CASTOR1: variants seen among roughly 807,000 people sequenced by gnomAD.
CASTOR1 encodes the protein GATS protein like 3.
Under a neutral mutation model 33.7 loss-of-function variants are expected in CASTOR1, and 18 were observed. The observed-to-expected ratio is 0.53, with a 90% CI of 0.37 to 0.79. The LOEUF is 0.79. Among genes scored for constraint, CASTOR1 ranks in the 30% least tolerant of loss-of-function variants. CASTOR1 has a pLI of 0.00. For synonymous variants in CASTOR1, 175 were observed against 190.6 expected, an observed-to-expected ratio of 0.92 and a Z score of 0.67; for missense variants, 362 against 446.3, an observed-to-expected ratio of 0.81 and a Z score of 1.70.
Position 30,288,590 on chromosome 22 carries a change from C to T in CASTOR1, c.184+116G>A, listed in dbSNP as rs993749971. ...GGTGGAGTAGGATTCGAACCCCGAC[C>T]CATCTGCTTTTAAGGCTTAAGCTCT... On this transcript the variant is annotated intron_variant, in intron 2 of 8. Transcript: ENST00000407689. The T allele has an allele frequency of 2.8e-5, 23 of 820,940 alleles. No homozygotes were observed. The African/African-American group carries it at 4.1e-4, about 15-fold the overall frequency. The allele number at this position is 820,940 out of a possible 1,614,324, so 50.9% of individuals were successfully genotyped here.
chr22:30,288,890 G>T, intron 1 of CASTOR1, 114 bp from the exon 2 acceptor site: 1 of 750,054 alleles, frequency 1.3e-6, no homozygotes, highest in Non-Finnish European at 2.1e-6. Flanking sequence ...GCGCCTTCTT[G>T]CCCTCTCGGC....
chr22:30,286,613 G>T, intron 5 of CASTOR1: 1 of 712,408 alleles, frequency 1.4e-6, no homozygotes, highest in Non-Finnish European at 2.4e-6. Flanking sequence ...GCCAGACCAG[G>T]GCATGGCTCA....
At position 30,285,666 on chromosome 22, in the gene CASTOR1, C is replaced by T. The variant is rs1294233274; in HGVS notation, c.944G>A (p.Ser315Asn). 6.4e-7 allele frequency: 1 copy of T among 1,571,688 alleles called. No homozygotes were observed. Among genetic ancestry groups the T allele is most frequent in the Non-Finnish European group, 8.6e-7 (1 of 1,159,194 alleles). Residue 315 changes from serine (S) to asparagine (N), a missense_variant, in exon 9 of 9, where the codon AGC (serine) becomes AAC (asparagine). Ser to Asn is a conservative substitution (Grantham distance 46). Transcript: ENST00000407689. ...CCGCCGCTGGAGGACCTCGATGACG[C>T]TGCCGATACCGTCCTCGGGCACCTG... The part of the protein sequence containing the change: ...HALVPEDGIG[S>N]VIEVLQRRQE...
chr22:30,286,905 G>T lies in CASTOR1; in HGVS notation c.549C>A (p.Arg183=). The T allele has an allele frequency of 6.2e-7, 1 of 1,614,048 alleles. No homozygotes were observed. Among genetic ancestry groups the T allele is most frequent in the Non-Finnish European group, 8.5e-7 (1 of 1,179,900 alleles). ...CAGGGTCCAGTGTGAGGACACAGAA[G>T]CGGTTCTGTGGGCTCTGGATGGGAT... ...TVHPIQSPQN[R]FCVLTLDPET... The change falls in exon 5 of 9, where the codon CGC becomes CGA. Residue 183 remains arginine, a synonymous_variant. Transcript: ENST00000407689.
rs1344275081 is a variant in CASTOR1 at position 30,287,421 on chromosome 22, G to A, written c.324C>T (p.His108=). The change falls in exon 3 of 9, where the codon CAC becomes CAT. Residue 108 remains histidine (H), a synonymous_variant. Coordinates refer to ENST00000407689, the MANE Select transcript of CASTOR1 (RefSeq NM_001037666.3). ...ARSVIAPLAE[H]HVSVLMLSTY... ...TGGACAGCATCAGCACAGACACGTG[G>A]TGCTCGGCCAGTGGCGCGATGACCG... 6.2e-7 allele frequency: 1 copy of A among 1,613,354 alleles called. No homozygotes were observed. Among genetic ancestry groups the A allele is most frequent in the African/African-American group, 1.3e-5 (1 of 74,922 alleles).
rs530300675 is a variant in CASTOR1, at chr22:30,289,225, G to A, written c.113+160C>T. The stretch of plus-strand genomic sequence containing the variant: ...GGCCTCACGGGGCCGGATAGGCGGC[G>A]GTCCCCCAGGCCGGATGGCGGCCGG... On this transcript the variant is annotated intron_variant, in intron 1 of 8. Transcript: ENST00000407689. 5 of 613,950 alleles carry A rather than the reference G, an allele frequency of 8.1e-6. No homozygotes were observed. The East Asian group carries it at 1.2e-4, about 15-fold the overall frequency. 38.0% of individuals were successfully genotyped at this position (613,950 alleles called of 1,614,324 possible). A position where few individuals can be genotyped will look rare whatever the true frequency, so the allele number is the denominator to read the frequency against.
At position 30,285,417 on chromosome 22, in the gene CASTOR1, A is replaced by C; in HGVS notation, c.*203T>G. On this transcript the variant is annotated 3_prime_UTR_variant, in exon 9 of 9. Coordinates refer to ENST00000407689, the MANE Select transcript of CASTOR1 (RefSeq NM_001037666.3). ...GCATGGGCAGACACGCAGTCAGGCTAGCACCTGCCCACTCCACCTGTGAGT... is the reference window on the plus strand; with the variant it reads ...GCATGGGCAGACACGCAGTCAGGCTCGCACCTGCCCACTCCACCTGTGAGT... The C allele has an allele frequency of 1.9e-6, 1 of 533,338 alleles. No homozygotes were observed. The highest frequency in any genetic ancestry group is 3.3e-6 in the Non-Finnish European group (1 of 302,760). The allele number at this position is 533,338 out of a possible 1,614,324, so 33.0% of individuals were successfully genotyped here.
Position 30,289,503 on chromosome 22 carries a change from C to G in CASTOR1, c.-6G>C, listed in dbSNP as rs1289152578. On this transcript the variant is annotated 5_prime_UTR_variant, in exon 1 of 9. Transcript: ENST00000407689. ...TCTAGGATGTGCAGCTCCATCGCGG[C>G]TCGCGCGGACCCGACCCCGCCGCCA... 1.3e-6 allele frequency: 2 copies of G among 1,553,326 alleles called. No homozygotes were observed. The highest frequency in any genetic ancestry group is 1.2e-5 in the South Asian group (1 of 85,662).
Position 30,289,253 on chromosome 22 carries a change from G to C in CASTOR1, c.113+132C>G. ...CCCCCAGGCCGGATGGCGGCCGGAC[G>C]GGGAGAGTCCTCCCCACCCGCTCCC... On this transcript the variant is annotated intron_variant, in intron 1 of 8. Transcript: ENST00000407689. The C allele has an allele frequency of 2.8e-6, 2 of 704,336 alleles. 1 individual carries two copies. The highest frequency in any genetic ancestry group is 3.3e-5 in the South Asian group (2 of 60,154). The allele number at this position is 704,336 out of a possible 1,614,324, so 43.6% of individuals were successfully genotyped here.
In CASTOR1 at chr22:30,286,338, C is replaced by G. The variant is rs1601662024; in HGVS notation, c.668G>C (p.Ser223Thr). ...GGAGAAGGCAAAGAACGTGATGGAG[C>G]TGGGTTCAGGACTGCTAGAGGCTGC... ...KEAASSSPEP[S>T]SITFFAFSLI... The change falls in exon 6 of 9, where the codon AGC (serine) becomes ACC (threonine). Residue 223 changes from serine to threonine, a missense_variant. By Grantham distance (58) the Ser-to-Thr change is moderately conservative. Transcript: ENST00000407689. The G allele has an allele frequency of 6.2e-7, 1 of 1,614,130 alleles. No individual in the cohort carries two copies. The highest frequency in any genetic ancestry group is 8.5e-7 in the Non-Finnish European group (1 of 1,179,994).
intron 2 of CASTOR1, 62 bp from the exon 3 acceptor site, chr22:30,287,622 CT>C: frequency 6.8e-7 from 1 of 1,462,128 alleles, no homozygotes; most frequent in Non-Finnish European, 9.2e-7. Flanking sequence ...CTCTCTGAGC[CT>C]CAGTTTCCCT....
intron 8 of CASTOR1, 46 bp from the exon 9 acceptor site, chr22:30,285,734 C>T (rs756140777): frequency 1.3e-6 from 2 of 1,535,682 alleles, no homozygotes; most frequent in South Asian, 2.4e-5. Context: ...GGAAGCTGGC[C>T]AGGGCCACCC....
In CASTOR1 at chr22:30,287,548, G is replaced by T; in HGVS notation, c.197C>A (p.Ser66Tyr). Residue 66 changes from serine (S) to tyrosine (Y), a missense_variant, in exon 3 of 9, where the codon TCT (serine) becomes TAT (tyrosine). Ser to Tyr is a moderately radical substitution (Grantham distance 144). Coordinates refer to ENST00000407689, the MANE Select transcript of CASTOR1 (RefSeq NM_001037666.3). ...DEEGFKELPP[S>Y]EFLQVAEATW... ...GGCCTCAGCTACTTGCAGGAACTCA[G>T]ATGGGGGCAGCTCTGTGGGCAGGGG... The T allele has an allele frequency of 6.2e-7, 1 of 1,612,108 alleles. No homozygotes were observed.
rs200867191 is a variant in CASTOR1, at chr22:30,287,287, C to T, written c.373G>A (p.Val125Met). Reference protein sequence around the residue: ...LSTYQTDFILVREQDLSVVIH... With the variant: ...LSTYQTDFILMREQDLSVVIH... Reference sequence around the variant, plus strand: ...ACCACGGACAGGTCCTGCTCCCGCACCTGGGCCACAGCAGATGGCACATCA... The same window carrying T: ...ACCACGGACAGGTCCTGCTCCCGCATCTGGGCCACAGCAGATGGCACATCA... Residue 125 changes from valine (V) to methionine (M), a missense_variant and splice_region_variant, in exon 4 of 9, where the codon GTG (valine) becomes ATG (methionine). By Grantham distance (21) the Val-to-Met change is conservative. Transcript: ENST00000407689. 6.4e-7 allele frequency: 1 copy of T among 1,572,776 alleles called. No individual in the cohort carries two copies. The highest frequency in any genetic ancestry group is 1.2e-5 in the South Asian group (1 of 84,452).
intron 1 of CASTOR1, 113 bp downstream of exon 1, chr22:30,289,272 C>A (rs1929871477): frequency 3.6e-6 from 3 of 830,766 alleles, no homozygotes; most frequent in African/African-American, 1.8e-5. Context: ...CCTCCCCACC[C>A]GCTCCCGCCC....
At chr22:30,288,943 G>A in intron 1 of CASTOR1, 167 bp from the exon 2 acceptor site, 1 of 584,624 alleles carries the variant, frequency 1.7e-6, no homozygotes, top group Non-Finnish European at 3.0e-6. Context: ...CATCTCGGGG[G>A]TTGGGGGCTA....
At chr22:30,287,342 T>G (rs1358230152) in intron 3 of CASTOR1, 31 bp downstream of exon 3, 2 of 1,596,980 alleles carry the variant, frequency 1.3e-6, no homozygotes, top group Non-Finnish European at 1.7e-6. Context: ...ATATCCACCC[T>G]GCTCTGCATC....
chr22:30,289,315 C>T (rs1373393132), intron 1 of CASTOR1, 70 bp downstream of exon 1: 1 of 1,164,644 alleles, frequency 8.6e-7, no homozygotes. Context: ...GATCCTAATC[C>T]TCCGACCCTG....
rs748546063 is a variant in CASTOR1, at chr22:30,287,479, A to G, written c.266T>C (p.Val89Ala). The G allele has an allele frequency of 6.2e-7, 1 of 1,612,876 alleles. No homozygotes were observed. The highest frequency in any genetic ancestry group is 8.5e-7 in the Non-Finnish European group (1 of 1,179,976). ...GATCTTGGTGACCCCAGCAGCCTGCACTGCCGCACCGCTGTGAGACGACAC... is the reference window on the plus strand; with the variant it reads ...GATCTTGGTGACCCCAGCAGCCTGCGCTGCCGCACCGCTGTGAGACGACAC... ...LNVSSHSGAA[V>A]QAAGVTKIAR... The change falls in exon 3 of 9, where the codon GTG becomes GCG. Residue 89 changes from valine to alanine, a missense_variant. Val to Ala is a moderately conservative substitution (Grantham distance 64). Transcript: ENST00000407689.
Sources: allele counts gnomAD v4.1 joint callset, GRCh38; gene constraint gnomAD v4.1.1; transcripts MANE v1.5; gene names NCBI Gene and HGNC (gene_info 2026-07-23, HGNC 2026-07-21).